The following USP24 variants were observed in gnomAD, a reference collection of about 807,000 sequenced individuals.
The protein encoded by USP24 is ubiquitin carboxyl-terminal hydrolase 24.
A neutral mutation model predicts 361.6 loss-of-function variants in USP24; 97 were observed. That is an observed-to-expected ratio of 0.27 (90% CI 0.23 to 0.32). The LOEUF (loss-of-function observed/expected upper bound fraction) is 0.32. USP24 is among the 10% of genes least tolerant of loss of function. The probability of loss-of-function intolerance (pLI) is 1.00; values close to 1 mark genes in which losing one functional copy is unlikely to be tolerated. For synonymous variants in USP24, 1,098 were observed against 1,124.6 expected (o/e 0.98, Z 0.47); for missense variants, 2,353 against 3,165.6 (o/e 0.74, Z 6.16).
At chr1:55,207,746 CTG>C (rs554520683) in intron 1 of USP24, among the ~76,000 whole-genome samples, 423 of 152,244 alleles carry the variant, frequency 2.8e-3, no homozygotes, top group Non-Finnish European at 4.3e-3. Context: ...CAAGGGACAA[CTG>C]TATCGTATTG....
chr1:55,122,753 C>T (rs950184090), intron 36 of USP24, among the ~76,000 whole-genome samples: 5 of 151,938 alleles, frequency 3.3e-5, no homozygotes, highest in Non-Finnish European at 5.9e-5. Context: ...CCAGAGCAAC[C>T]GGAAGAATAG....
chr1:55,122,199 C>A (rs2100601353), intron 36 of USP24, among the ~76,000 whole-genome samples: 1 of 152,152 alleles, frequency 6.6e-6, no homozygotes, highest in Non-Finnish European at 1.5e-5. Flanking sequence ...GGTAAGGAGT[C>A]TGGGCAGTGC....
intron 58 of USP24, among the ~76,000 whole-genome samples, chr1:55,082,861 T>C (rs1459017273): frequency 6.6e-6 from 1 of 152,120 alleles, no homozygotes; most frequent in Non-Finnish European, 1.5e-5. Context: ...GAGTATTATA[T>C]CTGCACTATC....
In USP24 at chr1:55,095,402, TA is replaced by T. The variant is rs377433566; in HGVS notation, c.6062-7del. ...CACATCAGTGTATGGGTTTGCTTTATAACAAGACATTAAGAAACACATCTGT... is the reference window on the plus strand; with the variant it reads ...CACATCAGTGTATGGGTTTGCTTTATACAAGACATTAAGAAACACATCTGT... On this transcript the variant is annotated splice_polypyrimidine_tract_variant and splice_region_variant and intron_variant, in intron 50 of 67. Coordinates refer to ENST00000294383, the MANE Select transcript of USP24 (RefSeq NM_015306.3). The T allele has an allele frequency of 4.9e-5, 78 of 1,599,052 alleles. 1 individual carries two copies. The East Asian group carries it at 5.6e-4, about 11-fold the overall frequency.
At chr1:55,083,415 T>G in intron 57 of USP24, 51 bp from the exon 58 acceptor site, 1 of 1,587,634 alleles carries the variant, frequency 6.3e-7, no homozygotes, top group Non-Finnish European at 8.6e-7. Context: ...CAGACAAAAA[T>G]TGGTTTTAAA....
chr1:55,153,807 A>G (rs1647343918), intron 16 of USP24, 63 bp downstream of exon 16: 2 of 1,417,018 alleles, frequency 1.4e-6, no homozygotes, highest in South Asian at 2.6e-5. Context: ...TTGTGGTGTA[A>G]TTTATTAAAG....
chr1:55,107,835 C>T (rs1645822713), intron 39 of USP24, among the ~76,000 whole-genome samples: 1 of 72,614 alleles, frequency 1.4e-5, no homozygotes, highest in Non-Finnish European at 2.5e-5. Context: ...GAGCAAGACT[C>T]TGTCTCAAAA....
intron 56 of USP24, 47 bp downstream of exon 56, chr1:55,085,895 T>G: frequency 6.4e-7 from 1 of 1,565,558 alleles, no homozygotes; most frequent in Non-Finnish European, 8.8e-7. Context: ...TTTAAAACAT[T>G]TGGTAAAAAC....
intron 24 of USP24, among the ~76,000 whole-genome samples, chr1:55,140,008 C>T (rs1646843977): frequency 6.6e-6 from 1 of 151,902 alleles, no homozygotes. Flanking sequence ...GAAACCCCCC[C>T]CACCCCAAGT....
chr1:55,200,160 T>C (rs796317294), intron 1 of USP24, among the ~76,000 whole-genome samples: 19 of 152,264 alleles, frequency 1.2e-4, no homozygotes, highest in African/African-American at 4.3e-4. Flanking sequence ...GACACAGAGG[T>C]TTCCAAACTT....
rs147952103 is a variant in USP24, at chr1:55,174,876, C to T, written c.558+1500G>A. ...AACTCCTGGCCTCAAGATGTCCTCC[C>T]GCTTTTGGCCTCACAAAGTGCTGGG... On this transcript the variant is annotated intron_variant, in intron 3 of 67. Coordinates refer to ENST00000294383, the MANE Select transcript of USP24 (RefSeq NM_015306.3). 1.2e-3 allele frequency among the ~76,000 whole-genome samples: 186 copies of T among 152,302 alleles called. 1 individual carries two copies. The highest frequency in any genetic ancestry group is 4.3e-3 in the African/African-American group (178 of 41,564).
chr1:55,107,841 C>CAAAAAAAAA (rs777328294), intron 39 of USP24, among the ~76,000 whole-genome samples: 5 of 38,230 alleles, frequency 1.3e-4, no homozygotes, highest in African/African-American at 2.9e-4. Flanking sequence ...GACTCTGTCT[C>CAAAAAAAAA]AAAAAAAAAA....
chr1:55,186,104 T>C (rs1398448474), intron 1 of USP24, among the ~76,000 whole-genome samples: 2 of 152,132 alleles, frequency 1.3e-5, no homozygotes, highest in Admixed American at 6.6e-5. Flanking sequence ...GCATCACCAG[T>C]GAATTATACA....
At chr1:55,179,174 C>T (rs781454141) in intron 1 of USP24, among the ~76,000 whole-genome samples, 14 of 152,174 alleles carry the variant, frequency 9.2e-5, no homozygotes, top group African/African-American at 2.7e-4. Context: ...TCAGGAGTAT[C>T]GGACCTTCTG....
intron 20 of USP24, 111 bp downstream of exon 20, chr1:55,145,887 G>T (rs1647015902): frequency 2.8e-6 from 2 of 719,872 alleles, no homozygotes; most frequent in Non-Finnish European, 4.5e-6. Context: ...AATTCTAGAA[G>T]GATATTCCTA....
chr1:55,165,341 A>C (rs1648722289), intron 7 of USP24, among the ~76,000 whole-genome samples: 1 of 152,130 alleles, frequency 6.6e-6, no homozygotes, highest in Admixed American at 6.6e-5. Flanking sequence ...TGTCTGAAAA[A>C]TTAAAGATTA....
chr1:55,157,450 T>C (rs910036056), intron 10 of USP24, 80 bp from the exon 11 acceptor site: 4 of 810,592 alleles, frequency 4.9e-6, no homozygotes, highest in African/African-American at 3.6e-5. Flanking sequence ...ATTTTTACAA[T>C]GTTACAATGT....
Position 55,073,838 on chromosome 1 carries a change from G to T in USP24, c.7516C>A (p.Leu2506Ile). The T allele has an allele frequency of 6.4e-7, 1 of 1,573,730 alleles. No homozygotes were observed. ...CYQCVKFLVT[L>I]AQKCPAAKEY... ...TAATTCAATACTTACTTTTGAGCAA[G>T]AGTGACAAGAAATTTGACACACTGG... The change falls in exon 64 of 68, where the codon CTT becomes ATT. Residue 2506 changes from leucine (L) to isoleucine (I), a missense_variant. By Grantham distance (5) the Leu-to-Ile change is conservative (BLOSUM62 2). Around this residue, in one of 8 missense-constraint regions of USP24, gnomAD observed 598 missense variants for 761.9 expected, o/e 0.78. Coordinates refer to ENST00000294383, the MANE Select transcript of USP24 (RefSeq NM_015306.3).
intron 1 of USP24, among the ~76,000 whole-genome samples, chr1:55,183,486 G>T (rs555091353): frequency 6.6e-6 from 1 of 152,038 alleles, no homozygotes; most frequent in South Asian, 2.1e-4. Context: ...GTAATCCCCA[G>T]GACAACCATG....
Sources: gnomAD v4.1 joint callset for allele counts (sites outside exome capture counted in the v4.1 genomes callset) on GRCh38, gnomAD v4.1.1 for gene constraint, gnomAD v4.1.1 regional missense constraint, MANE v1.5 for transcripts, NCBI Gene and HGNC (gene_info 2026-07-23, HGNC 2026-07-21) for gene names.